The following ACTN4 variants were observed in gnomAD, a reference collection of about 807,000 sequenced individuals.
ACTN4 encodes actinin alpha 4, also known as alpha-actinin-4.
A neutral mutation model predicts 114.2 loss-of-function variants in ACTN4; 18 were observed. The observed-to-expected ratio is 0.16, with a 90% CI of 0.11 to 0.23. The LOEUF is 0.23. ACTN4 is among the 10% of genes least tolerant of loss of function. The pLI is 1.00. For missense variants in ACTN4, 722 were observed against 1,262.9 expected, an observed-to-expected ratio of 0.57 and a Z score of 6.49; for synonymous variants, 515 against 506.3, an observed-to-expected ratio of 1.02 and a Z score of -0.23.
At chr19:38,694,476 T>C (rs1238432170) in intron 1 of ACTN4, among the ~76,000 whole-genome samples, 1 of 152,044 alleles carries the variant, frequency 6.6e-6, no homozygotes, top group African/African-American at 2.4e-5. Flanking sequence ...GCCAGGCTGG[T>C]CTTGAACTCC....
intron 1 of ACTN4, among the ~76,000 whole-genome samples, chr19:38,683,332 C>A (rs942457591): frequency 1.3e-5 from 2 of 152,206 alleles, no homozygotes; most frequent in African/African-American, 2.4e-5. Flanking sequence ...CCCTGCCTCT[C>A]CTCTTTCTCG....
At chr19:38,672,238 C>CTT (rs35567918) in intron 1 of ACTN4, among the ~76,000 whole-genome samples, 3,138 of 113,644 alleles carry the variant, frequency 0.028, 141 homozygotes, top group South Asian at 0.035. Flanking sequence ...ACATGTGGTT[C>CTT]TTTTTTTTTT....
chr19:38,717,070 C>T lies in ACTN4; in HGVS notation c.913-16C>T. On this transcript the variant is annotated splice_polypyrimidine_tract_variant and intron_variant, in intron 9 of 20. Transcript: ENST00000252699. The surrounding 1 kb of genome is among the most constrained non-coding windows in gnomAD (Gnocchi z 4.0). ...GGGTCCCCCACAAAGGCCACGCTGG[C>T]TTCTGTGGCCCACAGCTCCTGGAGT... The T allele has an allele frequency of 3.1e-6, 5 of 1,608,676 alleles. No individual in the cohort carries two copies. The African/African-American group carries it at 4.0e-5, about 13-fold the overall frequency.
intron 1 of ACTN4, among the ~76,000 whole-genome samples, chr19:38,654,344 G>C (rs1031686538): frequency 6.6e-6 from 1 of 151,974 alleles, no homozygotes; most frequent in Non-Finnish European, 1.5e-5. Flanking sequence ...GGTGGATCAC[G>C]TGAGGTCAGG....
At position 38,731,447 on chromosome 19, in the gene ACTN4, A is replaced by G. The variant is rs950841954; in HGVS notation, c.*2015A>G. 34 of 584,014 alleles carry G rather than the reference A, an allele frequency of 5.8e-5. No homozygotes were observed. Among genetic ancestry groups the G allele is most frequent in the Non-Finnish European group, 9.3e-5 (30 of 324,114 alleles). The allele number at this position is 584,014 out of a possible 1,614,324, so 36.2% of individuals were successfully genotyped here. ...AGCCCCGACCCCATAGGGTGTGTGA[A>G]GACAGAACGCTCAGGACAGCGTCTG... On this transcript the variant is annotated 3_prime_UTR_variant, in exon 21 of 21. Transcript: ENST00000252699.
At position 38,673,636 on chromosome 19, in the gene ACTN4, TTTATATATATTTATATATTTATATATA is replaced by T. The variant is rs1568690265; in HGVS notation, c.162+25783_162+25809del. ...TTATATTTATATATATTCATATATA[TTTATATATATTTATATATTTATATATA>T]TTATATATATTTATATATTTATATA... On this transcript the variant is annotated intron_variant, in intron 1 of 20. Coordinates refer to ENST00000252699, the MANE Select transcript of ACTN4 (RefSeq NM_004924.6). 2.2e-3 allele frequency among the ~76,000 whole-genome samples: 116 copies of T among 52,228 alleles called. 6 individuals carry two copies. The South Asian group carries it at 0.034, about 15-fold the overall frequency. The allele number at this position is 52,228 out of a possible 152,430, so 34.3% of individuals were successfully genotyped here.
chr19:38,695,234 T>A (rs1487967902), intron 1 of ACTN4, among the ~76,000 whole-genome samples: 1 of 152,162 alleles, frequency 6.6e-6, no homozygotes, highest in African/African-American at 2.4e-5. Context: ...ATAATAGGGC[T>A]CCAAGTCAGT....
At position 38,727,968 on chromosome 19, in the gene ACTN4, C is replaced by G; in HGVS notation, c.2360C>G (p.Pro787Arg). Reference protein sequence around the residue: ...FDKDHGGALGPEEFKACLISL... With the variant: ...FDKDHGGALGREEFKACLISL... The stretch of plus-strand genomic sequence containing the variant: ...CAGGATCATGGCGGGGCGCTGGGGC[C>G]CGAGGAGTTCAAGGCCTGCCTCATC... The change falls in exon 19 of 21, where the codon CCC (proline) becomes CGC (arginine). Residue 787 changes from proline to arginine, a missense_variant. By Grantham distance (103) the Pro-to-Arg change is moderately radical (BLOSUM62 -2). This residue lies in a region of ACTN4 where 523 missense variants were observed against 875.9 expected (regional missense o/e 0.60). Coordinates refer to ENST00000252699, the MANE Select transcript of ACTN4 (RefSeq NM_004924.6). The surrounding 1 kb of genome is among the most constrained non-coding windows in gnomAD (Gnocchi z 5.4). 6.2e-7 allele frequency: 1 copy of G among 1,612,588 alleles called. No individual in the cohort carries two copies. Among genetic ancestry groups the G allele is most frequent in the African/African-American group, 1.3e-5 (1 of 74,996 alleles).
intron 1 of ACTN4, among the ~76,000 whole-genome samples, chr19:38,653,991 T>C (rs896001721): frequency 5.9e-5 from 9 of 152,198 alleles, no homozygotes; most frequent in Non-Finnish European, 2.9e-5. Context: ...CTTGGAAACA[T>C]CAAAGCAAGT....
chr19:38,727,812 T>C lies in ACTN4; in HGVS notation c.2338-134T>C, dbSNP rs965462633. ...CCACGTGTCCCTGGCCATCTCCTTG[T>C]CCATGTTGCCTCTAACTCTGTGTTT... On this transcript the variant is annotated intron_variant, in intron 18 of 20. Coordinates refer to ENST00000252699, the MANE Select transcript of ACTN4 (RefSeq NM_004924.6). This position sits in a 1 kb window ranked among gnomAD's most constrained non-coding sequence, Gnocchi z 5.4. 1 of 815,354 alleles carries C rather than the reference T, an allele frequency of 1.2e-6. No homozygotes were observed. The allele number at this position is 815,354 out of a possible 1,614,324, so 50.5% of individuals were successfully genotyped here. A position where few individuals can be genotyped will look rare whatever the true frequency, so the allele number is the denominator to read the frequency against.
At chr19:38,718,363 C>T in intron 11 of ACTN4, 1 of 501,190 alleles carries the variant, frequency 2.0e-6, no homozygotes, top group South Asian at 1.8e-5. Flanking sequence ...CCTGCCTATA[C>T]AAAAAAATTT....
chr19:38,664,143 G>C (rs1444692844), intron 1 of ACTN4, among the ~76,000 whole-genome samples: 1 of 152,226 alleles, frequency 6.6e-6, no homozygotes, highest in Non-Finnish European at 1.5e-5. Flanking sequence ...CTGCAACGCG[G>C]GTGGCCTAGG....
In ACTN4 at chr19:38,725,821, A is replaced by G. The variant is rs750143718; in HGVS notation, c.2108A>G (p.Asn703Ser). 10 of 1,614,152 alleles carry G rather than the reference A, an allele frequency of 6.2e-6. No individual in the cohort carries two copies. Among genetic ancestry groups the G allele is most frequent in the South Asian group, 2.2e-5 (2 of 91,088 alleles). The change falls in exon 17 of 21, where the codon AAC becomes AGC. Residue 703 changes from asparagine to serine, a missense_variant. By Grantham distance (46) the Asn-to-Ser change is conservative (BLOSUM62 1). Around this residue, in one of 3 missense-constraint regions of ACTN4, gnomAD observed 523 missense variants for 875.9 expected, o/e 0.60. Transcript: ENST00000252699. ...CGCAGCATCGTGGACTACAAGCCCA[A>G]CCTGGACCTGCTGGAGCAGCAGCAC... Reference protein sequence around the residue: ...YERSIVDYKPNLDLLEQQHQL... With the variant: ...YERSIVDYKPSLDLLEQQHQL...
chr19:38,673,634 T>TATTTATATATATTTATA lies in ACTN4; in HGVS notation c.162+25728_162+25744dup. On this transcript the variant is annotated intron_variant, in intron 1 of 20. Coordinates refer to ENST00000252699, the MANE Select transcript of ACTN4 (RefSeq NM_004924.6). ...ATTTATATTTATATATATTCATATA[T>TATTTATATATATTTATA]ATTTATATATATTTATATATTTATA... Among the ~76,000 whole-genome samples the TATTTATATATATTTATA allele has an allele frequency of 9.6e-5, 5 of 51,904 alleles. 1 individual carries two copies. The highest frequency in any genetic ancestry group is 2.2e-4 in the Non-Finnish European group (5 of 22,752). The allele number at this position is 51,904 out of a possible 152,430, so 34.1% of individuals were successfully genotyped here.
At chr19:38,665,055 G>A (rs1429642761) in intron 1 of ACTN4, among the ~76,000 whole-genome samples, 1 of 152,112 alleles carries the variant, frequency 6.6e-6, no homozygotes, top group South Asian at 2.1e-4. Context: ...ACTGGGATTC[G>A]CAGTACCACA....
At chr19:38,728,085 TTC>T (rs1261973924) in intron 19 of ACTN4, 59 bp downstream of exon 19, 32 of 1,514,738 alleles carry the variant, frequency 2.1e-5, no homozygotes, top group Non-Finnish European at 2.7e-5. Context: ...CTCTCTCTCC[TTC>T]TCTCTTTCTC....
intron 19 of ACTN4, 196 bp downstream of exon 19, chr19:38,728,222 G>A (rs1969313407): frequency 5.7e-6 from 8 of 1,415,420 alleles, no homozygotes; most frequent in South Asian, 1.2e-5. Context: ...CCTGCTCCCC[G>A]CCACTGTCCT....
Position 38,700,513 on chromosome 19 carries a change from G to A in ACTN4, c.163-87G>A, listed in dbSNP as rs1968236457. 2.7e-6 allele frequency: 3 copies of A among 1,106,214 alleles called. No homozygotes were observed. In the Admixed American group the frequency reaches 5.1e-5, roughly 19 times the overall value. The allele number at this position is 1,106,214 out of a possible 1,614,324, so 68.5% of individuals were successfully genotyped here. On this transcript the variant is annotated intron_variant, in intron 1 of 20. Coordinates refer to ENST00000252699, the MANE Select transcript of ACTN4 (RefSeq NM_004924.6). The stretch of plus-strand genomic sequence containing the variant: ...TCCGTGGCAGCTGCGGTTCTCCTGA[G>A]GTCAGAGCTGCGGCCCTGCAGGTGT...
chr19:38,666,819 G>C (rs1966976930), intron 1 of ACTN4, among the ~76,000 whole-genome samples: 1 of 152,172 alleles, frequency 6.6e-6, no homozygotes, highest in African/African-American at 2.4e-5. Flanking sequence ...TCTTGACTTA[G>C]TGGGAGGGAG....
Sources: allele counts gnomAD v4.1 joint callset (sites outside exome capture counted in the v4.1 genomes callset), GRCh38; gene constraint gnomAD v4.1.1; regional missense constraint gnomAD v4.1.1; non-coding constraint Gnocchi (gnomAD v3.1); transcripts MANE v1.5; gene names NCBI Gene and HGNC (gene_info 2026-07-23, HGNC 2026-07-21).